The following PPIP5K2 variants were observed in gnomAD, a reference collection of about 807,000 sequenced individuals.
PPIP5K2 encodes inositol hexakisphosphate and diphosphoinositol-pentakisphosphate kinase 2.
PPIP5K2 carries 105 observed loss-of-function variants against 154.6 expected under a neutral mutation model. The ratio of observed to expected loss-of-function variants is 0.68; its 90% CI spans 0.58 to 0.80. The LOEUF (loss-of-function observed/expected upper bound fraction) is 0.80, where lower values mean the gene tolerates loss of function less well. Among genes scored for constraint, PPIP5K2 ranks in the 30% least tolerant of loss-of-function variants. PPIP5K2 has a pLI of 0.00. For synonymous variants in PPIP5K2, 480 were observed against 490.3 expected (o/e 0.98, Z 0.28); for missense variants, 992 against 1,504.6 (o/e 0.66, Z 5.64).
At chr5:103,195,679 G>T (rs1232973760) in intron 30 of PPIP5K2, among the ~76,000 whole-genome samples, 1 of 151,894 alleles carries the variant, frequency 6.6e-6, no homozygotes, top group Non-Finnish European at 1.5e-5. Context: ...TTTCTTGTTT[G>T]ATCATCCTTC....
intron 28 of PPIP5K2, among the ~76,000 whole-genome samples, chr5:103,190,359 G>A (rs1554226484): frequency 1.3e-5 from 2 of 151,880 alleles, no homozygotes. Flanking sequence ...TCATACTAGA[G>A]AGTATCATTG....
chr5:103,161,180 G>T (rs1339631067), intron 17 of PPIP5K2, among the ~76,000 whole-genome samples: 5 of 137,142 alleles, frequency 3.6e-5, no homozygotes, highest in Non-Finnish European at 4.6e-5. Context: ...TCATTGTTCA[G>T]TTCCCACCTG....
chr5:103,132,562 T>G (rs958948485), intron 2 of PPIP5K2, among the ~76,000 whole-genome samples: 1 of 151,996 alleles, frequency 6.6e-6, no homozygotes, highest in Non-Finnish European at 1.5e-5. Context: ...AAAAATTAAT[T>G]AATTAATTCT....
At chr5:103,189,839 A>G (rs1383675872) in intron 28 of PPIP5K2, among the ~76,000 whole-genome samples, 1 of 152,062 alleles carries the variant, frequency 6.6e-6, no homozygotes, top group East Asian at 1.9e-4. Flanking sequence ...ACGCCTATTG[A>G]AGCAGAATGT....
At chr5:103,142,465 C>T (rs1554207396) in intron 5 of PPIP5K2, among the ~76,000 whole-genome samples, 1 of 152,204 alleles carries the variant, frequency 6.6e-6, no homozygotes, top group African/African-American at 2.4e-5. Context: ...CAGCCTTGGC[C>T]AGCCCAGAAA....
chr5:103,178,310 A>C (rs1799016831), intron 23 of PPIP5K2, among the ~76,000 whole-genome samples: 1 of 151,948 alleles, frequency 6.6e-6, no homozygotes, highest in Non-Finnish European at 1.5e-5. Flanking sequence ...CTCTATGAAT[A>C]ACTAAACCCC....
intron 5 of PPIP5K2, among the ~76,000 whole-genome samples, chr5:103,141,323 T>C (rs1554206638): frequency 6.6e-6 from 1 of 152,130 alleles, no homozygotes; most frequent in Middle Eastern, 3.2e-3. Flanking sequence ...GGGTTCGTGG[T>C]CTCGCTGGCT....
At chr5:103,186,775 T>G (rs943383708) in intron 27 of PPIP5K2, among the ~76,000 whole-genome samples, 1 of 152,168 alleles carries the variant, frequency 6.6e-6, no homozygotes, top group African/African-American at 2.4e-5. Context: ...TTGTTAACAC[T>G]TATTTTACTT....
In PPIP5K2 at chr5:103,210,756, T is replaced by C. The variant is rs1199823875; in HGVS notation, c.*9122T>C. The C allele has an allele frequency of 1.3e-5, 2 of 152,136 alleles. No individual in the cohort carries two copies. The allele number at this position is 152,136 out of a possible 1,614,324, so 9.4% of individuals were successfully genotyped here. ...TTTACTTGGTTAATACAGTTAATAG[T>C]ATAATACTTATAATAACAATTTTGA... is the stretch of plus-strand genomic sequence containing the variant. On this transcript the variant is annotated 3_prime_UTR_variant, in exon 31 of 31. Transcript: ENST00000358359.
At chr5:103,199,542 T>C (rs781900744) in intron 30 of PPIP5K2, among the ~76,000 whole-genome samples, 1 of 152,154 alleles carries the variant, frequency 6.6e-6, no homozygotes, top group Non-Finnish European at 1.5e-5. Flanking sequence ...TGCAATGGGT[T>C]GTTTTTCTGT....
rs145322623 is a variant in PPIP5K2 at position 103,182,405 on chromosome 5, A to G, written c.2923-829A>G. Among the ~76,000 whole-genome samples the G allele has an allele frequency of 5.6e-4, 86 of 152,326 alleles. 1 individual carries two copies. Among genetic ancestry groups the G allele is most frequent in the African/African-American group, 2.0e-3 (82 of 41,582 alleles). On this transcript the variant is annotated intron_variant, in intron 24 of 30. Transcript: ENST00000358359. ...CAAGAGATTATTTCTATGCCATGCT[A>G]AACTTTTACTTCCATAAGGTAAATT... is the stretch of plus-strand genomic sequence containing the variant.
At position 103,180,270 on chromosome 5, in the gene PPIP5K2, A is replaced by T. The variant is rs536340046; in HGVS notation, c.2922+82A>T. 3.2e-6 allele frequency: 4 copies of T among 1,231,718 alleles called. No individual in the cohort carries two copies. The South Asian group carries it at 7.6e-5, about 24-fold the overall frequency. The allele number at this position is 1,231,718 out of a possible 1,614,324, so 76.3% of individuals were successfully genotyped here. A position where few individuals can be genotyped will look rare whatever the true frequency, so the allele number is the denominator to read the frequency against. On this transcript the variant is annotated intron_variant, in intron 24 of 30. Coordinates refer to ENST00000358359, the MANE Select transcript of PPIP5K2 (RefSeq NM_001276277.3). ...AAACAGAAAAGAAAATACAGCTTTA[A>T]TTGTGGAGCTTGGGAAACCAACAAA...
chr5:103,178,050 T>C, intron 23 of PPIP5K2, 70 bp downstream of exon 23: 1 of 965,542 alleles, frequency 1.0e-6, no homozygotes, highest in Non-Finnish European at 1.6e-6. Context: ...CTATAAGAGA[T>C]TTTTATAATG....
chr5:103,155,201 G>C (rs1280843022), intron 13 of PPIP5K2, among the ~76,000 whole-genome samples: 1 of 151,820 alleles, frequency 6.6e-6, no homozygotes, highest in Non-Finnish European at 1.5e-5. Context: ...TAGAATGAAG[G>C]CCACATTGCT....
chr5:103,154,328 T>A (rs1333954663), intron 11 of PPIP5K2, among the ~76,000 whole-genome samples: 1 of 152,022 alleles, frequency 6.6e-6, no homozygotes, highest in Non-Finnish European at 1.5e-5. Context: ...TTGAAAACCC[T>A]GAGCCATTAA....
rs1310303345 is a variant in PPIP5K2 at position 103,205,012 on chromosome 5, C to G, written c.*3378C>G. ...TAATGCTATCCCTCCCCCAGCCCCCCACCCACTGACAGGCCCAGTGTGTGA... is the reference window on the plus strand; with the variant it reads ...TAATGCTATCCCTCCCCCAGCCCCCGACCCACTGACAGGCCCAGTGTGTGA... On this transcript the variant is annotated 3_prime_UTR_variant, in exon 31 of 31. Coordinates refer to ENST00000358359, the MANE Select transcript of PPIP5K2 (RefSeq NM_001276277.3). 1 of 152,074 alleles carries G rather than the reference C, an allele frequency of 6.6e-6. No homozygotes were observed. 9.4% of individuals were successfully genotyped at this position (152,074 alleles called of 1,614,324 possible).
At chr5:103,156,891 G>A (rs1165249956) in intron 14 of PPIP5K2, among the ~76,000 whole-genome samples, 5 of 152,042 alleles carry the variant, frequency 3.3e-5, no homozygotes, top group African/African-American at 7.2e-5. Flanking sequence ...TATCTTAAAT[G>A]CAGACACATA....
In PPIP5K2 at chr5:103,148,027, G is replaced by A; in HGVS notation, c.739G>A (p.Val247Ile). 6.4e-7 allele frequency: 1 copy of A among 1,559,214 alleles called. No homozygotes were observed. Among genetic ancestry groups the A allele is most frequent in the Non-Finnish European group, 8.8e-7 (1 of 1,141,516 alleles). Residue 247 changes from valine to isoleucine, a missense_variant, in exon 7 of 31, where the codon GTT becomes ATT. Coordinates refer to ENST00000358359, the MANE Select transcript of PPIP5K2 (RefSeq NM_001276277.3). ...EEFMPTDGTD[V>I]KVYTVGPDYA... ...GTTTATGCCCACAGATGGTACTGAT[G>A]TTAAGGTAGGATTGATTAAAATAGA...
In PPIP5K2 at chr5:103,205,381, AT is replaced by A. The variant is rs1803455437; in HGVS notation, c.*3748del. On this transcript the variant is annotated 3_prime_UTR_variant, in exon 31 of 31. Coordinates refer to ENST00000358359, the MANE Select transcript of PPIP5K2 (RefSeq NM_001276277.3). ...CCCAGTAATGGGATGGCTGGGTCAA[AT>A]GGTATTTCTAGTTCTAGATCCTTGA... The A allele has an allele frequency of 6.6e-6, 1 of 152,186 alleles. No individual in the cohort carries two copies. Among genetic ancestry groups the A allele is most frequent in the South Asian group, 2.1e-4 (1 of 4,834 alleles). The allele number at this position is 152,186 out of a possible 1,614,324, so 9.4% of individuals were successfully genotyped here.
Sources: allele counts gnomAD v4.1 joint callset (sites outside exome capture counted in the v4.1 genomes callset), GRCh38; gene constraint gnomAD v4.1.1; transcripts MANE v1.5; gene names NCBI Gene and HGNC (gene_info 2026-07-23, HGNC 2026-07-21).